Variants in SBNO2 observed in about 807,000 individuals in gnomAD.
The protein encoded by SBNO2 is protein strawberry notch homolog 2.
A neutral mutation model predicts 146.3 loss-of-function variants in SBNO2; 89 were observed. That is an observed-to-expected ratio of 0.61 (90% confidence interval 0.51 to 0.73). The LOEUF is 0.73. Among genes scored for constraint, SBNO2 ranks in the 30% least tolerant of loss-of-function variants. The pLI, the probability that SBNO2 is intolerant of heterozygous loss-of-function variation, is 0.00. For missense variants in SBNO2, 2,092 were observed against 2,003.7 expected (o/e 1.04, Z -0.84); for synonymous variants, 1,147 against 892.6 (o/e 1.29, Z -5.08).
chr19:1,108,587 C>CGCGGGGCGG lies in SBNO2; in HGVS notation c.3725_3733dup (p.Pro1242_Pro1244dup), dbSNP rs981618143. The CGCGGGGCGG allele has an allele frequency of 3.3e-5, 39 of 1,175,038 alleles. No homozygotes were observed. Among genetic ancestry groups the CGCGGGGCGG allele is most frequent in the Non-Finnish European group, 3.9e-5 (36 of 932,776 alleles). The allele number at this position is 1,175,038 out of a possible 1,614,324, so 72.8% of individuals were successfully genotyped here. A position where few individuals can be genotyped will look rare whatever the true frequency, so the allele number is the denominator to read the frequency against. Reference sequence around the variant, plus strand: ...GGGGCCGCAAGGCAGCGCCAGCGGGCGCGGGGCGGGCGGGGCGGGGCAGCC... The same window carrying CGCGGGGCGG: ...GGGGCCGCAAGGCAGCGCCAGCGGGCGCGGGGCGGGCGGGGCGGGCGGGGCGGGGCAGCC... On this transcript the variant is annotated inframe_insertion, in exon 32 of 32. Transcript: ENST00000361757.
intron 4 of SBNO2, among the ~76,000 whole-genome samples, chr19:1,146,312 T>TG (rs972105571): frequency 2.0e-5 from 3 of 151,920 alleles, no homozygotes; most frequent in African/African-American, 7.2e-5. Context: ...CGGCCCTGAG[T>TG]GGGGAAAACT....
intron 11 of SBNO2, among the ~76,000 whole-genome samples, chr19:1,121,912 C>G (rs1035344589): frequency 1.5e-4 from 23 of 152,188 alleles, no homozygotes; most frequent in African/African-American, 5.5e-4. Context: ...AGTCTTCTAT[C>G]CGGAGTCCTA....
rs564235160 is a variant in SBNO2 at position 1,109,346 on chromosome 19, G to A, written c.3294C>T (p.Ile1098=). Residue 1098 remains isoleucine (I), a synonymous_variant, in exon 29 of 32, where the codon ATC becomes ATT. Transcript: ENST00000361757. This position sits in a 1 kb window ranked among gnomAD's most constrained non-coding sequence, Gnocchi z 4.2. ...GQFFTVYKPN[I]GRQSQLEALD... ...GGGCCTCCAGCTGGCTCTGCCGGCCGATGTTGGGCTTGTACACCGTGAAGA... is the reference window on the plus strand; with the variant it reads ...GGGCCTCCAGCTGGCTCTGCCGGCCAATGTTGGGCTTGTACACCGTGAAGA... The A allele has an allele frequency of 1.8e-5, 28 of 1,593,960 alleles. No homozygotes were observed. The highest frequency in any genetic ancestry group is 1.7e-4 in the African/African-American group (13 of 74,692).
intron 2 of SBNO2, among the ~76,000 whole-genome samples, chr19:1,153,211 A>T (rs1001640392): frequency 1.1e-4 from 17 of 151,242 alleles, no homozygotes; most frequent in African/African-American, 4.1e-4. Flanking sequence ...ATATATATAT[A>T]CACGTTTATA....
Position 1,118,955 on chromosome 19 carries a change from G to A in SBNO2, c.1527+56C>T. The A allele has an allele frequency of 2.0e-6, 3 of 1,528,674 alleles. 1 individual carries two copies. The highest frequency in any genetic ancestry group is 2.4e-5 in the South Asian group (2 of 84,430). The allele number at this position is 1,528,674 out of a possible 1,614,324, so 94.7% of individuals were successfully genotyped here. A position where few individuals can be genotyped will look rare whatever the true frequency, so the allele number is the denominator to read the frequency against. ...CTGTGGCATCTGCAAGGCCACGGGG[G>A]AGCAATTTCACCCGGGAAACGCACA... On this transcript the variant is annotated intron_variant, in intron 14 of 31. Coordinates refer to ENST00000361757, the MANE Select transcript of SBNO2 (RefSeq NM_014963.3).
chr19:1,138,192 G>C (rs2080102239), intron 4 of SBNO2, among the ~76,000 whole-genome samples: 3 of 140,036 alleles, frequency 2.1e-5, no homozygotes, highest in Admixed American at 7.1e-5. Flanking sequence ...GGGTGCGGTG[G>C]GGGGAGGCTC....
intron 4 of SBNO2, among the ~76,000 whole-genome samples, chr19:1,134,240 C>T (rs1304652387): frequency 2.8e-5 from 4 of 145,082 alleles, no homozygotes; most frequent in Non-Finnish European, 4.6e-5. Context: ...CTACAGCTCA[C>T]GGGTGGACTC....
intron 1 of SBNO2, among the ~76,000 whole-genome samples, chr19:1,161,683 A>G (rs978009972): frequency 2.6e-5 from 4 of 151,894 alleles, no homozygotes; most frequent in African/African-American, 9.7e-5. Flanking sequence ...GCCACGTCAT[A>G]CTACGCTTTC....
intron 3 of SBNO2, 84 bp downstream of exon 3, chr19:1,149,285 G>T: frequency 7.7e-7 from 1 of 1,307,132 alleles, no homozygotes; most frequent in Non-Finnish European, 1.1e-6. Flanking sequence ...GGGCCCTCGC[G>T]CCCTGCACCC....
In SBNO2 at chr19:1,151,124, G is replaced by A. The variant is rs575127303; in HGVS notation, c.94-1682C>T. On this transcript the variant is annotated intron_variant, in intron 2 of 31. Coordinates refer to ENST00000361757, the MANE Select transcript of SBNO2 (RefSeq NM_014963.3). ...TTTGGGAAGAGAGAAAGCCAGCCCTGGAGAGAAACAGGAACTTCCCAAGGC... is the reference window on the plus strand; with the variant it reads ...TTTGGGAAGAGAGAAAGCCAGCCCTAGAGAGAAACAGGAACTTCCCAAGGC... 3.0e-4 allele frequency among the ~76,000 whole-genome samples: 45 copies of A among 152,348 alleles called. No homozygotes were observed. The South Asian group carries it at 8.9e-3, about 30-fold the overall frequency.
chr19:1,112,171 C>T lies in SBNO2; in HGVS notation c.2628+18G>A. On this transcript the variant is annotated intron_variant, in intron 22 of 31. Transcript: ENST00000361757. This position sits in a 1 kb window ranked among gnomAD's most constrained non-coding sequence, Gnocchi z 5.9. ...CTGGGCCTGTCCCTGGTTCTCAGCC[C>T]CACCCCCACCTGCTCACCAGACTCT... 6.3e-7 allele frequency: 1 copy of T among 1,583,420 alleles called. No individual in the cohort carries two copies. The highest frequency in any genetic ancestry group is 1.3e-5 in the African/African-American group (1 of 74,538).
chr19:1,163,369 G>T (rs1000939424), intron 1 of SBNO2, among the ~76,000 whole-genome samples: 2 of 152,212 alleles, frequency 1.3e-5, no homozygotes, highest in Non-Finnish European at 2.9e-5. Context: ...GGGAGGGGCA[G>T]GAAGGGTCCT....
intron 14 of SBNO2, among the ~76,000 whole-genome samples, chr19:1,118,809 T>C (rs1261882638): frequency 6.6e-6 from 1 of 151,522 alleles, no homozygotes; most frequent in African/African-American, 2.4e-5. Flanking sequence ...GAGGCAGAGG[T>C]TGCAGTGAAC....
chr19:1,118,193 G>T (rs1053770718), intron 14 of SBNO2, among the ~76,000 whole-genome samples: 2 of 152,106 alleles, frequency 1.3e-5, no homozygotes, highest in Non-Finnish European at 1.5e-5. Flanking sequence ...TATAAAATTG[G>T]CCGGGCTGGT....
At chr19:1,124,696 C>T (rs114361454) in intron 5 of SBNO2, among the ~76,000 whole-genome samples, 3,365 of 152,292 alleles carry the variant, frequency 0.022, 133 homozygotes, top group African/African-American at 0.075. Flanking sequence ...CATCCCACTG[C>T]GGCCCCACCC....
At chr19:1,146,753 G>T (rs987987715) in intron 4 of SBNO2, among the ~76,000 whole-genome samples, 11 of 143,408 alleles carry the variant, frequency 7.7e-5, no homozygotes, top group Non-Finnish European at 9.1e-5. Flanking sequence ...TGCCGCAGTG[G>T]GAGGCTGTGA....
intron 5 of SBNO2, among the ~76,000 whole-genome samples, chr19:1,124,831 C>T (rs907271938): frequency 2.0e-5 from 3 of 152,214 alleles, no homozygotes; most frequent in South Asian, 2.1e-4. Context: ...GTCTGTGGCC[C>T]ACCCAGGGGT....
At chr19:1,162,320 C>T (rs374356250) in intron 1 of SBNO2, among the ~76,000 whole-genome samples, 18 of 148,986 alleles carry the variant, frequency 1.2e-4, no homozygotes, top group Admixed American at 6.7e-4. Context: ...ATTATCCAGG[C>T]GTGGTGGCGG....
chr19:1,118,909 C>T, intron 14 of SBNO2, 102 bp downstream of exon 14: 4 of 1,233,068 alleles, frequency 3.2e-6, no homozygotes, highest in Non-Finnish European at 4.5e-6. Flanking sequence ...CAGGACAGGG[C>T]GGGCCGTCAC....
Sources: allele counts gnomAD v4.1 joint callset (sites outside exome capture counted in the v4.1 genomes callset), GRCh38; gene constraint gnomAD v4.1.1; non-coding constraint Gnocchi (gnomAD v3.1); transcripts MANE v1.5; gene names NCBI Gene and HGNC (gene_info 2026-07-23, HGNC 2026-07-21).